SLC3A1: variants seen among roughly 807,000 people sequenced by gnomAD.
SLC3A1 encodes the protein amino acid transporter heavy chain SLC3A1.
SLC3A1 carries 78 observed loss-of-function variants against 60.3 expected under a neutral mutation model. That is an observed-to-expected ratio of 1.29 (90% CI 1.08 to 1.56). The LOEUF is 1.56. Among genes scored for constraint, SLC3A1 ranks in the 40% most tolerant of loss-of-function variants. The probability of loss-of-function intolerance (pLI) is 0.00; values close to 1 mark genes in which losing one functional copy is unlikely to be tolerated. For synonymous variants in SLC3A1, 392 were observed against 307.9 expected, an observed-to-expected ratio of 1.27 and a Z score of -2.86; for missense variants, 1,172 against 858.9, an observed-to-expected ratio of 1.36 and a Z score of -4.56.
chr2:44,318,330 G>A, intron 9 of SLC3A1: 2 of 204,588 alleles, frequency 9.8e-6, no homozygotes, highest in Non-Finnish European at 1.0e-5. Flanking sequence ...GACCTCTGGT[G>A]ATCTGTCTGC....
intron 2 of SLC3A1, 50 bp downstream of exon 2, chr2:44,280,945 A>G (rs1440453984): frequency 6.0e-6 from 9 of 1,495,124 alleles, no homozygotes; most frequent in Middle Eastern, 1.7e-4. Context: ...TGAGAGAAGC[A>G]CTTTTTCAAA....
At chr2:44,298,435 G>T (rs925968207) in intron 4 of SLC3A1, among the ~76,000 whole-genome samples, 2 of 152,060 alleles carry the variant, frequency 1.3e-5, no homozygotes, top group Non-Finnish European at 2.9e-5. Context: ...CTGGAGTGCA[G>T]TGGCATGATC....
chr2:44,280,316 G>T (rs1368725876), intron 1 of SLC3A1, among the ~76,000 whole-genome samples: 1 of 151,850 alleles, frequency 6.6e-6, no homozygotes, highest in Non-Finnish European at 1.5e-5. Flanking sequence ...TTGAGTCATT[G>T]TAGCCTCCGA....
rs756092811 is a variant in SLC3A1 at position 44,275,940 on chromosome 2, C to G, written c.405C>G (p.Asn135Lys). 5.0e-6 allele frequency: 8 copies of G among 1,614,166 alleles called. No homozygotes were observed. In the East Asian group the frequency reaches 1.3e-4, roughly 27 times the overall value. ...ACCCAAGGTCTTTCAAGGACAGTAA[C>G]AAGGATGGGAACGGAGATCTGAAAG... Reference protein sequence around the residue: ...QIYPRSFKDSNKDGNGDLKGI... With the variant: ...QIYPRSFKDSKKDGNGDLKGI... Residue 135 changes from asparagine to lysine, a missense_variant, in exon 1 of 10, where the codon AAC becomes AAG. Transcript: ENST00000260649.
At position 44,305,145 on chromosome 2, in the gene SLC3A1, T is replaced by TC. The variant is rs545645716; in HGVS notation, c.1332+808dup. On this transcript the variant is annotated intron_variant, in intron 7 of 9. Transcript: ENST00000260649. Reference sequence around the variant, plus strand: ...CTACCACGCCCAGCACTAACATTTTTCAAGACTGGCAATACATTACTTCAG... The same window carrying TC: ...CTACCACGCCCAGCACTAACATTTTTCCAAGACTGGCAATACATTACTTCAG... Among the ~76,000 whole-genome samples the TC allele has an allele frequency of 5.3e-5, 8 of 152,210 alleles. No homozygotes were observed. The East Asian group carries it at 1.5e-3, about 29-fold the overall frequency.
intron 4 of SLC3A1, among the ~76,000 whole-genome samples, chr2:44,286,630 CTGAGCTGTGCACTGTCTGTGACGG>C (rs1671620491): frequency 7.4e-6 from 1 of 135,816 alleles, no homozygotes; most frequent in African/African-American, 2.9e-5. Flanking sequence ...GTGTCTGTGA[CTGAGCTGTGCACTGTCTGTGACGG>C]TGAGCTGTGC....
At chr2:44,298,117 T>C (rs540269014) in intron 4 of SLC3A1, among the ~76,000 whole-genome samples, 17 of 152,354 alleles carry the variant, frequency 1.1e-4, no homozygotes, top group African/African-American at 3.8e-4. Context: ...CTGGGTCTTA[T>C]GGTAACTTGA....
At chr2:44,298,787 G>A (rs1671923240) in intron 4 of SLC3A1, among the ~76,000 whole-genome samples, 1 of 152,176 alleles carries the variant, frequency 6.6e-6, no homozygotes, top group South Asian at 2.1e-4. Context: ...GGTGAGGCAG[G>A]GGAGAGGCTG....
intron 1 of SLC3A1, among the ~76,000 whole-genome samples, chr2:44,277,023 A>G (rs1044117312): frequency 2.0e-5 from 3 of 151,944 alleles, no homozygotes; most frequent in African/African-American, 4.8e-5. Context: ...AATGCTACAA[A>G]TGAATTCTTG....
intron 6 of SLC3A1, among the ~76,000 whole-genome samples, chr2:44,302,653 C>T (rs989613492): frequency 6.6e-6 from 1 of 152,162 alleles, no homozygotes; most frequent in Non-Finnish European, 1.5e-5. Context: ...TGTGTCTTCC[C>T]CCAGGGTTTT....
chr2:44,314,139 C>A, intron 9 of SLC3A1, 188 bp downstream of exon 9: 1 of 1,365,440 alleles, frequency 7.3e-7, no homozygotes, highest in Non-Finnish European at 1.0e-6. Flanking sequence ...CAAACTGGTA[C>A]AAATCTACCA....
At chr2:44,290,070 T>G (rs1671707775) in intron 4 of SLC3A1, among the ~76,000 whole-genome samples, 1 of 152,066 alleles carries the variant, frequency 6.6e-6, no homozygotes, top group Non-Finnish European at 1.5e-5. Context: ...TTAGATTGTC[T>G]GTGATCCATT....
chr2:44,314,249 A>G (rs1415742457), intron 9 of SLC3A1: 8 of 641,334 alleles, frequency 1.2e-5, no homozygotes, highest in Non-Finnish European at 2.1e-5. Context: ...TTTTTTAGCT[A>G]GCCCAGCTGC....
chr2:44,312,466 G>C (rs1285976079), intron 7 of SLC3A1, 120 bp from the exon 8 acceptor site: 2 of 1,037,912 alleles, frequency 1.9e-6, no homozygotes, highest in East Asian at 4.9e-5. Context: ...GTCCAGGCTT[G>C]CTAGTACCAA....
chr2:44,302,833 C>T (rs753412923), intron 6 of SLC3A1, among the ~76,000 whole-genome samples: 3 of 152,166 alleles, frequency 2.0e-5, no homozygotes, highest in East Asian at 1.9e-4. Flanking sequence ...TGGATGTCAA[C>T]GAGTTTTAGT....
intron 7 of SLC3A1, among the ~76,000 whole-genome samples, chr2:44,310,823 G>C (rs1411243631): frequency 2.6e-5 from 4 of 151,352 alleles, no homozygotes; most frequent in Admixed American, 6.6e-5. Context: ...TTTTGAGACA[G>C]GGTTTTGCTC....
At chr2:44,285,160 C>T (rs1369255394) in intron 3 of SLC3A1, 10 of 152,492 alleles carry the variant, frequency 6.6e-5, no homozygotes, top group Non-Finnish European at 1.5e-4. Flanking sequence ...CTGGTTGTGT[C>T]CAGGTGGGCT....
intron 4 of SLC3A1, 30 bp downstream of exon 4, chr2:44,286,187 C>T: frequency 1.9e-6 from 3 of 1,606,724 alleles, no homozygotes; most frequent in Non-Finnish European, 2.6e-6. Flanking sequence ...CAGACTTCTC[C>T]ATTAATGGAG....
At chr2:44,291,535 A>G (rs1198323312) in intron 4 of SLC3A1, among the ~76,000 whole-genome samples, 1 of 152,198 alleles carries the variant, frequency 6.6e-6, no homozygotes, top group African/African-American at 2.4e-5. Flanking sequence ...ACTGGTTTAG[A>G]AGATTTACTA....
Sources: gnomAD v4.1 joint callset for allele counts (sites outside exome capture counted in the v4.1 genomes callset) on GRCh38, gnomAD v4.1.1 for gene constraint, MANE v1.5 for transcripts, NCBI Gene and HGNC (gene_info 2026-07-23, HGNC 2026-07-21) for gene names.